RIN3: variants seen among roughly 807,000 people sequenced by gnomAD.
RIN3 encodes the protein Ras and Rab interactor 3.
A neutral mutation model predicts 76.3 loss-of-function variants in RIN3; 54 were observed. That is an observed-to-expected ratio of 0.71 (90% CI 0.57 to 0.89). The LOEUF (loss-of-function observed/expected upper bound fraction) is 0.89. RIN3 is among the 40% of genes least tolerant of loss of function. The pLI, the probability that RIN3 is intolerant of heterozygous loss-of-function variation, is 0.00. For missense variants in RIN3, 1,256 were observed against 1,322.1 expected, an observed-to-expected ratio of 0.95 and a Z score of 0.78; for synonymous variants, 576 against 564.0, an observed-to-expected ratio of 1.02 and a Z score of -0.30.
At chr14:92,649,531 G>T (rs530806229) in intron 5 of RIN3, among the ~76,000 whole-genome samples, 1 of 152,030 alleles carries the variant, frequency 6.6e-6, no homozygotes, top group Non-Finnish European at 1.5e-5. Flanking sequence ...CACTCCAGGG[G>T]CCTGTGTAGA....
At chr14:92,537,358 A>G (rs1009860753) in intron 1 of RIN3, among the ~76,000 whole-genome samples, 2 of 152,158 alleles carry the variant, frequency 1.3e-5, no homozygotes, top group African/African-American at 2.4e-5. Context: ...ACAGTTGTAT[A>G]GTATTCCATT....
intron 4 of RIN3, among the ~76,000 whole-genome samples, chr14:92,629,320 G>A (rs972471481): frequency 3.3e-5 from 5 of 152,202 alleles, no homozygotes; most frequent in South Asian, 2.1e-4. Flanking sequence ...CAAAGAATTA[G>A]ACAAAACGCA....
At chr14:92,665,897 C>A (rs993449747) in intron 7 of RIN3, among the ~76,000 whole-genome samples, 2 of 152,166 alleles carry the variant, frequency 1.3e-5, no homozygotes, top group African/African-American at 4.8e-5. Context: ...ATCATACCTT[C>A]CCCTGGCAGG....
intron 2 of RIN3, among the ~76,000 whole-genome samples, chr14:92,565,408 C>T (rs550597826): frequency 6.6e-6 from 1 of 152,206 alleles, no homozygotes; most frequent in East Asian, 1.9e-4. Flanking sequence ...AGGGGCAAGT[C>T]CACAAAGTAA....
chr14:92,576,555 G>A (rs945810371), intron 2 of RIN3, among the ~76,000 whole-genome samples: 5 of 152,194 alleles, frequency 3.3e-5, no homozygotes, highest in South Asian at 2.1e-4. Flanking sequence ...TCCGGGGGCC[G>A]AATCCAGTTC....
chr14:92,543,037 GACCATGTTAAAA>G (rs1237538035), intron 1 of RIN3, among the ~76,000 whole-genome samples: 4 of 152,164 alleles, frequency 2.6e-5, no homozygotes, highest in African/African-American at 9.7e-5. Flanking sequence ...ACAGCTCTGT[GACCATGTTAAAA>G]ACCACTGAAT....
chr14:92,625,680 C>A (rs750074405), intron 4 of RIN3, among the ~76,000 whole-genome samples: 5 of 152,166 alleles, frequency 3.3e-5, no homozygotes, highest in Non-Finnish European at 5.9e-5. Flanking sequence ...CTTGCTCCCC[C>A]ATACTCTTTA....
At chr14:92,636,882 T>C (rs548723452) in intron 4 of RIN3, among the ~76,000 whole-genome samples, 2 of 140,436 alleles carry the variant, frequency 1.4e-5, no homozygotes, top group Non-Finnish European at 3.1e-5. Context: ...TGACCCTGTC[T>C]CTTCAAAAAA....
chr14:92,669,385 T>A (rs1227434510), intron 7 of RIN3, among the ~76,000 whole-genome samples: 1 of 152,216 alleles, frequency 6.6e-6, no homozygotes, highest in Non-Finnish European at 1.5e-5. Flanking sequence ...AAGGCCTCTC[T>A]GAGTTAACGT....
intron 2 of RIN3, among the ~76,000 whole-genome samples, chr14:92,571,482 G>C (rs1425228132): frequency 6.6e-6 from 1 of 152,128 alleles, no homozygotes; most frequent in African/African-American, 2.4e-5. Context: ...AGTTCCAATA[G>C]CTTTAAGTCC....
intron 3 of RIN3, among the ~76,000 whole-genome samples, chr14:92,603,797 G>A (rs944756572): frequency 1.3e-4 from 20 of 152,286 alleles, no homozygotes; most frequent in Admixed American, 3.3e-4. Flanking sequence ...AGGCAGGAAA[G>A]GGTGGTTCTC....
intron 1 of RIN3, among the ~76,000 whole-genome samples, chr14:92,544,025 C>T (rs371093243): frequency 2.0e-5 from 3 of 152,124 alleles, no homozygotes; most frequent in Non-Finnish European, 2.9e-5. Flanking sequence ...CCCCACCCCC[C>T]CATCTCATTT....
rs779138740 is a variant in RIN3, at chr14:92,555,890, G to A, written c.184G>A (p.Val62Met). The change falls in exon 2 of 10, where the codon GTG becomes ATG. Residue 62 changes from valine to methionine, a missense_variant. Physicochemically the swap from Val to Met is conservative, Grantham distance 21 (BLOSUM62 1). Transcript: ENST00000216487. ...ILEKLIKTCPVWLQLSLGQAE... is the reference protein window; with the variant it reads ...ILEKLIKTCPMWLQLSLGQAE... ...GGAGAAGCTCATCAAAACATGCCCG[G>A]TGTGGCTGCAGCTGAGTCTGGGCCA... 1.5e-5 allele frequency: 24 copies of A among 1,613,928 alleles called. No homozygotes were observed. The Admixed American group carries it at 3.7e-4, about 25-fold the overall frequency.
intron 2 of RIN3, chr14:92,576,351 C>T (rs534576412): frequency 3.9e-6 from 5 of 1,289,822 alleles, no homozygotes; most frequent in Middle Eastern, 2.1e-4. Flanking sequence ...AGCGAGTGTC[C>T]GTCAACATGC....
rs904680492 is a variant in RIN3 at position 92,654,621 on chromosome 14, G to A, written c.2026+1546G>A. On this transcript the variant is annotated intron_variant, in intron 6 of 9. Coordinates refer to ENST00000216487, the MANE Select transcript of RIN3 (RefSeq NM_024832.5). ...ATTTTGCTAGCAGACTCCTGAAAAC[G>A]AATAGGTTTGCCAGGCCACAGGATT... Among the ~76,000 whole-genome samples the A allele has an allele frequency of 2.6e-5, 4 of 152,186 alleles. No homozygotes were observed. The South Asian group carries it at 6.2e-4, about 24-fold the overall frequency.
chr14:92,666,835 G>A (rs1264143927), intron 7 of RIN3, among the ~76,000 whole-genome samples: 4 of 152,134 alleles, frequency 2.6e-5, no homozygotes, highest in African/African-American at 4.8e-5. Context: ...CATCCCAGAG[G>A]GTACTGATGG....
intron 3 of RIN3, among the ~76,000 whole-genome samples, chr14:92,601,079 C>T (rs369127972): frequency 2.0e-4 from 30 of 152,152 alleles, no homozygotes; most frequent in African/African-American, 6.0e-4. Context: ...GGACTTTGAG[C>T]ACTTAATAGG....
chr14:92,575,659 C>G (rs1308865353), intron 2 of RIN3, among the ~76,000 whole-genome samples: 2 of 151,936 alleles, frequency 1.3e-5, no homozygotes, highest in Non-Finnish European at 2.9e-5. Flanking sequence ...GTGGGAGTGT[C>G]TTTTAGCAAG....
At chr14:92,541,460 C>T (rs1005020908) in intron 1 of RIN3, among the ~76,000 whole-genome samples, 4 of 152,172 alleles carry the variant, frequency 2.6e-5, no homozygotes, top group Non-Finnish European at 5.9e-5. Context: ...ACTCATTATA[C>T]TCGGATAAAA....
Sources: gnomAD v4.1 joint callset for allele counts (sites outside exome capture counted in the v4.1 genomes callset) on GRCh38, gnomAD v4.1.1 for gene constraint, MANE v1.5 for transcripts, NCBI Gene and HGNC (gene_info 2026-07-23, HGNC 2026-07-21) for gene names.